Variants in BCL2L10 observed in about 807,000 individuals in gnomAD.
The protein encoded by BCL2L10 is bcl-2-like protein 10.
Under a neutral mutation model 11.1 loss-of-function variants are expected in BCL2L10, and 14 were observed. The ratio of observed to expected loss-of-function variants is 1.26; its 90% CI spans 0.83 to 1.96. The LOEUF (loss-of-function observed/expected upper bound fraction) is 1.96, where lower values mean the gene tolerates loss of function less well. Among genes scored for constraint, BCL2L10 ranks in the 30% most tolerant of loss-of-function variants. The probability of loss-of-function intolerance (pLI) is 0.00; values close to 1 mark genes in which losing one functional copy is unlikely to be tolerated. For missense variants in BCL2L10, 309 were observed against 273.9 expected, an observed-to-expected ratio of 1.13 and a Z score of -0.90; for synonymous variants, 154 against 133.4, an observed-to-expected ratio of 1.15 and a Z score of -1.07.
rs750162170 is a variant in BCL2L10, at chr15:52,112,675, G to T, written c.52C>A (p.Arg18Ser). 4 of 1,544,324 alleles carry T rather than the reference G, an allele frequency of 2.6e-6. No individual in the cohort carries two copies. In the South Asian group the frequency reaches 4.7e-5, roughly 18 times the overall value. The change falls in exon 1 of 2, where the codon CGC (arginine) becomes AGC (serine). Residue 18 changes from arginine to serine, a missense_variant. Physicochemically the swap from Arg to Ser is moderately radical, Grantham distance 110. Transcript: ENST00000260442. ...TAGTCGGCCAGCAACAGCTCGGTGC[G>T]CTCCCGCAGCGGGTCGGCCATGGTG... The part of the protein sequence containing the change: ...RTTMADPLRE[R>S]TELLLADYLG...
In BCL2L10 at chr15:52,112,740, C is replaced by CT. The variant is rs2033086143; in HGVS notation, c.-15dup. ...CTGGTCAACCATGGTCCGGCCTCTG[C>CT]TGGGGGGCCGGGCCTTCGCTGGTTT... On this transcript the variant is annotated 5_prime_UTR_variant, in exon 1 of 2. Transcript: ENST00000260442. 1 of 1,516,336 alleles carries CT rather than the reference C, an allele frequency of 6.6e-7. No homozygotes were observed. The allele number at this position is 1,516,336 out of a possible 1,614,324, so 93.9% of individuals were successfully genotyped here.
At position 52,109,793 on chromosome 15, in the gene BCL2L10, T is replaced by G. The variant is rs1566926501; in HGVS notation, c.*55A>C. 4 of 1,599,690 alleles carry G rather than the reference T, an allele frequency of 2.5e-6. No homozygotes were observed. In the South Asian group the frequency reaches 3.4e-5, roughly 13 times the overall value. ...CCCTCAGTTCTTGTTCTCACACATC[T>G]GTCATTTAGTTGGTCACAGTTGGGC... On this transcript the variant is annotated 3_prime_UTR_variant, in exon 2 of 2. Coordinates refer to ENST00000260442, the MANE Select transcript of BCL2L10 (RefSeq NM_020396.4).
intron 1 of BCL2L10, among the ~76,000 whole-genome samples, chr15:52,111,173 AACACACACACACACAC>A (rs71130130): frequency 4.4e-4 from 54 of 121,806 alleles, no homozygotes; most frequent in Admixed American, 6.0e-4. Flanking sequence ...CTCTACTGAA[AACACACACACACACAC>A]ACACACACAC....
chr15:52,110,338 C>G (rs2033035786), intron 1 of BCL2L10, among the ~76,000 whole-genome samples: 2 of 152,216 alleles, frequency 1.3e-5, no homozygotes, highest in Non-Finnish European at 1.5e-5. Flanking sequence ...ACAGCAAGCA[C>G]CAACCCCATT....
intron 1 of BCL2L10, among the ~76,000 whole-genome samples, chr15:52,110,744 C>T (rs1362019847): frequency 6.6e-6 from 1 of 152,120 alleles, no homozygotes; most frequent in Non-Finnish European, 1.5e-5. Context: ...AGAATTTCAG[C>T]TCCTTGGTGT....
In BCL2L10 at chr15:52,112,410, G is replaced by T; in HGVS notation, c.317C>A (p.Thr106Lys). ...RVVTLVTFAG[T>K]LLERGPLVTA... ...CACCAGCGGCCCTCTCTCCAGCAGC[G>T]TCCCTGCGAAGGTCACGAGCGTCAC... Residue 106 changes from threonine to lysine, a missense_variant, in exon 1 of 2, where the codon ACG becomes AAG. Physicochemically the swap from Thr to Lys is moderately conservative, Grantham distance 78. Transcript: ENST00000260442. 1 of 1,607,430 alleles carries T rather than the reference G, an allele frequency of 6.2e-7. No individual in the cohort carries two copies. The highest frequency in any genetic ancestry group is 2.2e-5 in the East Asian group (1 of 44,846).
At chr15:52,112,073 C>G (rs538560729) in intron 1 of BCL2L10, 165 bp downstream of exon 1, 1 of 1,317,624 alleles carries the variant, frequency 7.6e-7, no homozygotes, top group Admixed American at 3.4e-5. Context: ...AGGAGAAACC[C>G]CAGACTTCAC....
intron 1 of BCL2L10, among the ~76,000 whole-genome samples, chr15:52,111,103 G>A (rs2033047277): frequency 6.6e-6 from 1 of 151,948 alleles, no homozygotes; most frequent in Non-Finnish European, 1.5e-5. Context: ...TTGGGAGGCT[G>A]AGGTAGACAG....
intron 1 of BCL2L10, among the ~76,000 whole-genome samples, chr15:52,111,542 C>A (rs763032878): frequency 3.3e-5 from 5 of 152,104 alleles, no homozygotes; most frequent in Non-Finnish European, 7.4e-5. Context: ...GCTCAGAGCC[C>A]CCAGAGGCAT....
intron 1 of BCL2L10, among the ~76,000 whole-genome samples, chr15:52,110,988 C>A (rs992188503): frequency 3.3e-5 from 5 of 152,094 alleles, no homozygotes; most frequent in Non-Finnish European, 7.4e-5. Context: ...TTCCTGCTAA[C>A]ACACCTCCCA....
chr15:52,112,360 A>G lies in BCL2L10; in HGVS notation c.367T>C (p.Phe123Leu). ...TCCTGCTCCTTTAGCCGCGGCTGGA[A>G]GCCCCACTTCTTCCACCGGGCGGTC... ...LVTARWKKWG[F>L]QPRLKEQEGD... The change falls in exon 1 of 2, where the codon TTC (phenylalanine) becomes CTC (leucine). Residue 123 changes from phenylalanine (F) to leucine (L), a missense_variant. By Grantham distance (22) the Phe-to-Leu change is conservative (BLOSUM62 0). Coordinates refer to ENST00000260442, the MANE Select transcript of BCL2L10 (RefSeq NM_020396.4). 1.2e-6 allele frequency: 2 copies of G among 1,603,086 alleles called. No individual in the cohort carries two copies. Among genetic ancestry groups the G allele is most frequent in the South Asian group, 1.1e-5 (1 of 90,314 alleles).
rs1056847350 is a variant in BCL2L10 at position 52,112,217 on chromosome 15, C to A, written c.489+21G>T. 3 of 1,471,426 alleles carry A rather than the reference C, an allele frequency of 2.0e-6. No individual in the cohort carries two copies. The African/African-American group carries it at 4.4e-5, about 21-fold the overall frequency. The allele number at this position is 1,471,426 out of a possible 1,614,324, so 91.1% of individuals were successfully genotyped here. A position where few individuals can be genotyped will look rare whatever the true frequency, so the allele number is the denominator to read the frequency against. ...CGGCTGCCCGTCCCGCCCCGTGTCC[C>A]GGTGTCCGCCGCGTGCTCACCCAGC... On this transcript the variant is annotated intron_variant, in intron 1 of 1. Transcript: ENST00000260442.
chr15:52,110,034 A>T (rs1427261161), intron 1 of BCL2L10, 61 bp from the exon 2 acceptor site: 6 of 1,473,840 alleles, frequency 4.1e-6, no homozygotes, highest in Non-Finnish European at 4.6e-6. Context: ...CACTCAAAAC[A>T]CGCAGGAACT....
chr15:52,109,895 A>G lies in BCL2L10; in HGVS notation c.568T>C (p.Cys190Arg), dbSNP rs1209523552. The G allele has an allele frequency of 2.5e-6, 4 of 1,613,884 alleles. No individual in the cohort carries two copies. Among genetic ancestry groups the G allele is most frequent in the African/African-American group, 1.3e-5 (1 of 74,922 alleles). Reference protein sequence around the residue: ...RKQLVQAFLSCLLTTAFIYLW... With the variant: ...RKQLVQAFLSRLLTTAFIYLW... ...TAAATGAAGGCTGTTGTTAACAAGC[A>G]TGACAGAAAAGCCTGGACCAGCTGT... is the stretch of plus-strand genomic sequence containing the variant. Residue 190 changes from cysteine (C) to arginine (R), a missense_variant, in exon 2 of 2, where the codon TGC becomes CGC. By Grantham distance (180) the Cys-to-Arg change is radical. Transcript: ENST00000260442.
At position 52,109,448 on chromosome 15, in the gene BCL2L10, GATT is replaced by G. The variant is rs1596038776; in HGVS notation, c.*397_*399del. ...AAACTGGGACTTTTTCTACTTTGGGGATTATTTTGCCCCAGCTGTGGCCATGTT... is the reference window on the plus strand; with the variant it reads ...AAACTGGGACTTTTTCTACTTTGGGGATTTTGCCCCAGCTGTGGCCATGTT... On this transcript the variant is annotated 3_prime_UTR_variant, in exon 2 of 2. Coordinates refer to ENST00000260442, the MANE Select transcript of BCL2L10 (RefSeq NM_020396.4). The G allele has an allele frequency of 1.9e-5, 3 of 160,302 alleles. No individual in the cohort carries two copies. In the East Asian group the frequency reaches 5.3e-4, roughly 28 times the overall value. The allele number at this position is 160,302 out of a possible 1,614,324, so 9.9% of individuals were successfully genotyped here.
Position 52,109,815 on chromosome 15 carries a change from G to A in BCL2L10, c.*33C>T. ...ATCTGTCATTTAGTTGGTCACAGTT[G>A]GGCAGGTAGAAGCGGGTTAAAAGTT... On this transcript the variant is annotated 3_prime_UTR_variant, in exon 2 of 2. Coordinates refer to ENST00000260442, the MANE Select transcript of BCL2L10 (RefSeq NM_020396.4). The A allele has an allele frequency of 6.2e-7, 1 of 1,611,436 alleles. No homozygotes were observed. Among genetic ancestry groups the A allele is most frequent in the Non-Finnish European group, 8.5e-7 (1 of 1,178,498 alleles).
Position 52,109,469 on chromosome 15 carries a change from G to T in BCL2L10, c.*379C>A. On this transcript the variant is annotated 3_prime_UTR_variant, in exon 2 of 2. Coordinates refer to ENST00000260442, the MANE Select transcript of BCL2L10 (RefSeq NM_020396.4). ...TGGGGATTATTTTGCCCCAGCTGTG[G>T]CCATGTTTAAAATTAGTCAGCAGCA... is the stretch of plus-strand genomic sequence containing the variant. The T allele has an allele frequency of 6.0e-6, 1 of 166,630 alleles. No homozygotes were observed. The highest frequency in any genetic ancestry group is 1.3e-5 in the Non-Finnish European group (1 of 78,052). 10.3% of individuals were successfully genotyped at this position (166,630 alleles called of 1,614,324 possible). A position where few individuals can be genotyped will look rare whatever the true frequency, so the allele number is the denominator to read the frequency against.
Position 52,109,937 on chromosome 15 carries a change from G to A in BCL2L10, c.526C>T (p.Leu176=). 1.2e-6 allele frequency: 2 copies of A among 1,613,648 alleles called. No individual in the cohort carries two copies. The highest frequency in any genetic ancestry group is 1.7e-6 in the Non-Finnish European group (2 of 1,179,754). ...FCHFFRTPFP[L]AFWRKQLVQA... ...ACCAGCTGTTTTCTCCAAAAAGCCA[G>A]TGGAAAGGGGGTCCTGAAGAAGTGA... Residue 176 remains leucine, a synonymous_variant, in exon 2 of 2, where the codon CTG becomes TTG. Coordinates refer to ENST00000260442, the MANE Select transcript of BCL2L10 (RefSeq NM_020396.4).
chr15:52,112,675 G>C lies in BCL2L10; in HGVS notation c.52C>G (p.Arg18Gly). ...TAGTCGGCCAGCAACAGCTCGGTGC[G>C]CTCCCGCAGCGGGTCGGCCATGGTG... ...RTTMADPLRERTELLLADYLG... is the reference protein window; with the variant it reads ...RTTMADPLREGTELLLADYLG... The change falls in exon 1 of 2, where the codon CGC becomes GGC. Residue 18 changes from arginine to glycine, a missense_variant. Transcript: ENST00000260442. 1.3e-6 allele frequency: 2 copies of C among 1,544,324 alleles called. No individual in the cohort carries two copies. The highest frequency in any genetic ancestry group is 1.7e-6 in the Non-Finnish European group (2 of 1,152,018).
Sources: gnomAD v4.1 joint callset for allele counts (sites outside exome capture counted in the v4.1 genomes callset) on GRCh38, gnomAD v4.1.1 for gene constraint, MANE v1.5 for transcripts, NCBI Gene and HGNC (gene_info 2026-07-23, HGNC 2026-07-21) for gene names.